Variants in GRAMD1C observed in about 807,000 individuals in gnomAD.
The protein encoded by GRAMD1C is GRAM domain containing 1C.
A neutral mutation model predicts 97.8 loss-of-function variants in GRAMD1C; 89 were observed. The ratio of observed to expected loss-of-function variants is 0.91; its 90% CI spans 0.77 to 1.09. GRAMD1C has a LOEUF of 1.09. Among genes scored for constraint, GRAMD1C ranks in the 50% least tolerant of loss-of-function variants. The probability of loss-of-function intolerance (pLI) is 0.00; values close to 1 mark genes in which losing one functional copy is unlikely to be tolerated. For synonymous variants in GRAMD1C, 256 were observed against 267.0 expected (o/e 0.96, Z 0.40); for missense variants, 740 against 766.4 (o/e 0.97, Z 0.41).
chr3:113,884,139 G>A (rs1935362409), intron 6 of GRAMD1C, among the ~76,000 whole-genome samples: 1 of 152,146 alleles, frequency 6.6e-6, no homozygotes, highest in Non-Finnish European at 1.5e-5. Context: ...CCACCAAACA[G>A]TAGCAGAATA....
At chr3:113,832,112 T>C (rs535222727) in intron 1 of GRAMD1C, among the ~76,000 whole-genome samples, 3 of 152,202 alleles carry the variant, frequency 2.0e-5, no homozygotes, top group Admixed American at 2.0e-4. Flanking sequence ...TCTCGATTCA[T>C]TGCAGCCTCC....
chr3:113,900,805 A>G, intron 6 of GRAMD1C, among the ~76,000 whole-genome samples: 1 of 152,256 alleles, frequency 6.6e-6, no homozygotes, highest in Admixed American at 6.5e-5. Context: ...TATGTACTTT[A>G]AAATCATTTT....
intron 17 of GRAMD1C, 80 bp downstream of exon 17, chr3:113,940,425 T>A (rs1012023726): frequency 1.2e-6 from 1 of 808,336 alleles, no homozygotes; most frequent in Non-Finnish European, 2.1e-6. Context: ...TGAGAGAATA[T>A]TTACCCTACT....
At chr3:113,911,173 G>GACACACACACACACACACACACACACAC (rs60151773) in intron 9 of GRAMD1C, among the ~76,000 whole-genome samples, 35 of 147,536 alleles carry the variant, frequency 2.4e-4, no homozygotes, top group South Asian at 1.1e-3. Context: ...CAGAGAGAGA[G>GACACACACACACACACACACACACACAC]ACACACACAC....
At chr3:113,939,053 G>T (rs1309276708) in intron 15 of GRAMD1C, 1 of 152,090 alleles carries the variant, frequency 6.6e-6, no homozygotes, top group Non-Finnish European at 1.5e-5. Flanking sequence ...TCAAAAGTTG[G>T]AATATTAATC....
chr3:113,911,131 A>C (rs1234351366), intron 9 of GRAMD1C, among the ~76,000 whole-genome samples: 2 of 150,516 alleles, frequency 1.3e-5, no homozygotes, highest in African/African-American at 4.9e-5. Flanking sequence ...TTAGAGGAGC[A>C]AAGTGTGAGG....
At chr3:113,887,600 C>T (rs908144987) in intron 6 of GRAMD1C, among the ~76,000 whole-genome samples, 4 of 128,382 alleles carry the variant, frequency 3.1e-5, no homozygotes, top group African/African-American at 1.1e-4. Context: ...ACTCGGGAGG[C>T]TGAGGCAGGA....
intron 6 of GRAMD1C, chr3:113,886,074 G>T: frequency 1.5e-6 from 2 of 1,359,724 alleles, no homozygotes; most frequent in Non-Finnish European, 9.8e-7. Flanking sequence ...GGGGGCGGGG[G>T]GGAAAGGGAT....
upstream of GRAMD1C, among the ~76,000 whole-genome samples, chr3:113,837,183 G>C (rs749796850): frequency 4.0e-5 from 6 of 150,582 alleles, no homozygotes; most frequent in Non-Finnish European, 7.4e-5. Flanking sequence ...TTTTGCCCAG[G>C]CTGGTCTTGA....
chr3:113,842,297 G>A (rs1158291473), intron 1 of GRAMD1C, among the ~76,000 whole-genome samples: 1 of 152,184 alleles, frequency 6.6e-6, no homozygotes, highest in Non-Finnish European at 1.5e-5. Context: ...AAGCCATGAA[G>A]ATTTGCCAAT....
chr3:113,934,904 C>T (rs751697310), intron 13 of GRAMD1C, among the ~76,000 whole-genome samples: 32 of 152,018 alleles, frequency 2.1e-4, no homozygotes, highest in Non-Finnish European at 4.1e-4. Context: ...CCACCACACC[C>T]GGCTAATTTT....
intron 2 of GRAMD1C, among the ~76,000 whole-genome samples, chr3:113,849,877 A>C (rs1933794104): frequency 1.3e-5 from 2 of 151,838 alleles, no homozygotes; most frequent in South Asian, 2.1e-4. Flanking sequence ...GGCCGGGCAG[A>C]GGCGCCCCTC....
chr3:113,850,358 G>T, intron 2 of GRAMD1C: 1 of 772,304 alleles, frequency 1.3e-6, no homozygotes, highest in Non-Finnish European at 2.3e-6. Context: ...CCGTCTGTAG[G>T]TATCTCTGTC....
At chr3:113,853,158 A>C (rs755525258) in intron 2 of GRAMD1C, among the ~76,000 whole-genome samples, 3 of 152,242 alleles carry the variant, frequency 2.0e-5, no homozygotes, top group Non-Finnish European at 4.4e-5. Flanking sequence ...AGATTTGAAA[A>C]AATAATCAAA....
intron 2 of GRAMD1C, among the ~76,000 whole-genome samples, chr3:113,857,525 A>C (rs998214375): frequency 6.6e-6 from 1 of 151,764 alleles, no homozygotes; most frequent in South Asian, 2.1e-4. Flanking sequence ...ACGGGCGCCC[A>C]CCACCACGCC....
intron 1 of GRAMD1C, among the ~76,000 whole-genome samples, chr3:113,844,230 G>A (rs1377505850): frequency 6.6e-6 from 1 of 152,116 alleles, no homozygotes; most frequent in East Asian, 1.9e-4. Flanking sequence ...GGAGTTGAAG[G>A]CTGCAGTGAG....
chr3:113,861,779 A>C (rs1329497815), intron 2 of GRAMD1C, among the ~76,000 whole-genome samples: 1 of 152,228 alleles, frequency 6.6e-6, no homozygotes, highest in Non-Finnish European at 1.5e-5. Flanking sequence ...AGGTAAATGT[A>C]AATCAGGACT....
At chr3:113,894,286 GT>G (rs960920976) in intron 6 of GRAMD1C, among the ~76,000 whole-genome samples, 21 of 148,012 alleles carry the variant, frequency 1.4e-4, no homozygotes, top group Non-Finnish European at 1.8e-4. Context: ...TTGTACTGTT[GT>G]TTTTTTTTTG....
intron 8 of GRAMD1C, among the ~76,000 whole-genome samples, chr3:113,907,509 C>T (rs543326791): frequency 2.0e-5 from 3 of 152,028 alleles, no homozygotes; most frequent in Non-Finnish European, 4.4e-5. Context: ...AGAAGTTTAG[C>T]CCTTTTTTTT....
Sources: allele counts gnomAD v4.1 joint callset (sites outside exome capture counted in the v4.1 genomes callset), GRCh38; gene constraint gnomAD v4.1.1; transcripts MANE v1.5; gene names NCBI Gene and HGNC (gene_info 2026-07-23, HGNC 2026-07-21).